The following RBMS3 variants were observed in gnomAD, a reference collection of about 807,000 sequenced individuals.
RBMS3 encodes RNA-binding motif, single-stranded-interacting protein 3.
Under a neutral mutation model 66.8 loss-of-function variants are expected in RBMS3, and 27 were observed. The observed-to-expected ratio is 0.40, with a 90% CI of 0.30 to 0.56. The LOEUF is 0.56. Ranked by LOEUF, RBMS3 falls within the 20% of genes least tolerant of loss-of-function variation. The pLI is 0.40. For synonymous variants in RBMS3, 188 were observed against 183.0 expected, an observed-to-expected ratio of 1.03 and a Z score of -0.22; for missense variants, 513 against 549.5, an observed-to-expected ratio of 0.93 and a Z score of 0.66.
intron 11 of RBMS3, among the ~76,000 whole-genome samples, chr3:29,937,753 G>A (rs570635287): frequency 6.6e-6 from 1 of 152,000 alleles, no homozygotes; most frequent in African/African-American, 2.4e-5. Flanking sequence ...TCATCATGGA[G>A]ATAGAGCTTG....
At chr3:29,502,603 C>T (rs35875) in intron 3 of RBMS3, among the ~76,000 whole-genome samples, 3 of 151,792 alleles carry the variant, frequency 2.0e-5, no homozygotes, top group African/African-American at 7.3e-5. Context: ...AAACATGGAG[C>T]TGGCACTATG....
chr3:29,970,344 C>T (rs1030899238), intron 12 of RBMS3, among the ~76,000 whole-genome samples: 2 of 152,070 alleles, frequency 1.3e-5, no homozygotes, highest in African/African-American at 4.8e-5. Context: ...AATATGATAT[C>T]TGTATTGCTT....
intron 6 of RBMS3, among the ~76,000 whole-genome samples, chr3:29,811,894 G>A (rs909301495): frequency 2.0e-5 from 3 of 152,232 alleles, no homozygotes; most frequent in Non-Finnish European, 2.9e-5. Context: ...ATGCTCTGCC[G>A]TTTCTTAGGA....
chr3:29,623,081 A>G (rs1028579363), intron 4 of RBMS3, among the ~76,000 whole-genome samples: 14 of 143,352 alleles, frequency 9.8e-5, no homozygotes, highest in African/African-American at 3.4e-4. Flanking sequence ...ACTGCACTTC[A>G]GCCTGGGAGA....
chr3:29,623,269 G>A (rs1009793838), intron 4 of RBMS3, among the ~76,000 whole-genome samples: 8 of 151,408 alleles, frequency 5.3e-5, no homozygotes, highest in South Asian at 2.1e-4. Flanking sequence ...AATATACGCC[G>A]AGTACTAGGC....
intron 6 of RBMS3, among the ~76,000 whole-genome samples, chr3:29,864,002 A>T (rs1375623069): frequency 6.6e-6 from 1 of 152,230 alleles, no homozygotes; most frequent in African/African-American, 2.4e-5. Context: ...AATTATAGAT[A>T]CGTAATTGTT....
chr3:29,472,861 G>A (rs1238369906), intron 2 of RBMS3, among the ~76,000 whole-genome samples: 1 of 152,124 alleles, frequency 6.6e-6, no homozygotes, highest in Non-Finnish European at 1.5e-5. Flanking sequence ...GGTCCCAAGC[G>A]GTTGCCATGG....
intron 10 of RBMS3, among the ~76,000 whole-genome samples, chr3:29,914,820 G>C (rs1348107173): frequency 6.6e-6 from 1 of 151,912 alleles, no homozygotes; most frequent in Non-Finnish European, 1.5e-5. Flanking sequence ...TTCAGAAATT[G>C]TCCTGTGTAT....
chr3:29,884,473 C>CA (rs2059820966), intron 8 of RBMS3, among the ~76,000 whole-genome samples: 3 of 75,448 alleles, frequency 4.0e-5, no homozygotes, highest in Non-Finnish European at 7.7e-5. Context: ...TCTCTCTCCC[C>CA]CCCCGCTCCC....
chr3:29,944,452 A>C (rs1019848759), intron 12 of RBMS3, among the ~76,000 whole-genome samples, 198 bp downstream of exon 12: 1 of 151,692 alleles, frequency 6.6e-6, no homozygotes, highest in Non-Finnish European at 1.5e-5. Flanking sequence ...TGGAAAATAA[A>C]TGTGTTGCAT....
At chr3:29,597,042 T>C (rs1258003393) in intron 4 of RBMS3, among the ~76,000 whole-genome samples, 1 of 152,184 alleles carries the variant, frequency 6.6e-6, no homozygotes, top group Admixed American at 6.6e-5. Flanking sequence ...TGGGACAAGA[T>C]GGACATCTTT....
At chr3:29,537,547 G>C (rs1342502190) in intron 3 of RBMS3, 1 of 152,074 alleles carries the variant, frequency 6.6e-6, no homozygotes, top group Non-Finnish European at 1.5e-5. Context: ...ATTTTTGGTC[G>C]GGCGCGGTGG....
intron 6 of RBMS3, among the ~76,000 whole-genome samples, chr3:29,771,238 AG>A (rs2149395187): frequency 6.6e-6 from 1 of 152,160 alleles, no homozygotes; most frequent in Admixed American, 6.6e-5. Flanking sequence ...AATCTTTCAT[AG>A]GAAATTGGCA....
chr3:29,634,734 G>C (rs2049413560), intron 4 of RBMS3, among the ~76,000 whole-genome samples: 1 of 151,760 alleles, frequency 6.6e-6, no homozygotes, highest in African/African-American at 2.4e-5. Flanking sequence ...CTCAGGGTCT[G>C]TTTCTGGGGG....
intron 4 of RBMS3, chr3:29,698,347 G>T: frequency 2.0e-6 from 2 of 985,324 alleles, no homozygotes; most frequent in Non-Finnish European, 1.2e-6. Context: ...TAATAAAACC[G>T]GAGCAGTTTG....
chr3:29,654,601 T>A (rs2050259777), intron 4 of RBMS3, among the ~76,000 whole-genome samples: 1 of 148,604 alleles, frequency 6.7e-6, no homozygotes, highest in South Asian at 2.1e-4. Context: ...CTTTTAAACT[T>A]TTTTTTTTTG....
intron 4 of RBMS3, among the ~76,000 whole-genome samples, chr3:29,658,769 G>A (rs76480686): frequency 0.014 from 2,169 of 152,250 alleles, 36 homozygotes; most frequent in African/African-American, 0.041. Flanking sequence ...TATTAATGAG[G>A]CTTTTTGACA....
intron 11 of RBMS3, among the ~76,000 whole-genome samples, chr3:29,940,667 A>G (rs1050129742): frequency 2.0e-5 from 3 of 151,760 alleles, no homozygotes; most frequent in African/African-American, 7.3e-5. Flanking sequence ...AATGAATGCC[A>G]TGTAGTTTAA....
intron 2 of RBMS3, among the ~76,000 whole-genome samples, chr3:29,456,192 TTA>T (rs1483390791): frequency 6.6e-6 from 1 of 152,182 alleles, no homozygotes; most frequent in African/African-American, 2.4e-5. Context: ...TAAATAGTAA[TTA>T]AAAAATTTTA....
Sources: gnomAD v4.1 joint callset for allele counts (sites outside exome capture counted in the v4.1 genomes callset) on GRCh38, gnomAD v4.1.1 for gene constraint, MANE v1.5 for transcripts, NCBI Gene and HGNC (gene_info 2026-07-23, HGNC 2026-07-21) for gene names.